Variants in XPO1 observed in about 807,000 individuals in gnomAD.
XPO1 encodes exportin-1.
A neutral mutation model predicts 133.3 loss-of-function variants in XPO1; 5 were observed. The ratio of observed to expected loss-of-function variants is 0.04; its 90% CI spans 0.02 to 0.08. The LOEUF is 0.08. XPO1 is among the 10% of genes least tolerant of loss of function. XPO1 has a pLI of 1.00. For missense variants in XPO1, 506 were observed against 1,267.5 expected, an observed-to-expected ratio of 0.40 and a Z score of 9.12; for synonymous variants, 419 against 408.2, an observed-to-expected ratio of 1.03 and a Z score of -0.32.
intron 4 of XPO1, among the ~76,000 whole-genome samples, chr2:61,515,172 G>A (rs1245819309): frequency 3.3e-5 from 5 of 151,980 alleles, no homozygotes; most frequent in Non-Finnish European, 4.4e-5. Flanking sequence ...GAAAGTAATC[G>A]GATAGAGGCA....
chr2:61,532,726 G>C (rs1031876489), intron 2 of XPO1, among the ~76,000 whole-genome samples: 2 of 151,106 alleles, frequency 1.3e-5, no homozygotes, highest in East Asian at 4.0e-4. Context: ...CCAGCTACTC[G>C]GGAGGCTAAG....
intron 24 of XPO1, among the ~76,000 whole-genome samples, chr2:61,479,624 G>T (rs1452900840): frequency 2.0e-5 from 3 of 152,098 alleles, no homozygotes; most frequent in African/African-American, 7.2e-5. Context: ...GTCTTGTTCT[G>T]TAGCCCCAGC....
intron 4 of XPO1, among the ~76,000 whole-genome samples, chr2:61,509,886 CATTT>C (rs747318471): frequency 2.0e-5 from 3 of 152,276 alleles, no homozygotes; most frequent in Admixed American, 1.3e-4. Context: ...TCAGTTTAAA[CATTT>C]ATTTATTCCA....
chr2:61,510,413 C>A (rs1698032025), intron 4 of XPO1, among the ~76,000 whole-genome samples: 2 of 152,096 alleles, frequency 1.3e-5, no homozygotes, highest in Admixed American at 1.3e-4. Context: ...TTAATAAGAA[C>A]AATGCCACAT....
In XPO1 at chr2:61,522,615, G is replaced by A. The variant is rs1288932167; in HGVS notation, c.297C>T (p.Cys99=). ...TATAATTCTTTATTTTCCTACCTTCGCACTGGTTCCTTGGAAGAATCTTCC... is the reference window on the plus strand; with the variant it reads ...TATAATTCTTTATTTTCCTACCTTCACACTGGTTCCTTGGAAGAATCTTCC... The part of the protein sequence containing the change: ...TRWKILPRNQ[C]EGIKKYVVGL... The change falls in exon 4 of 25, where the codon TGC becomes TGT. Residue 99 remains cysteine, a synonymous_variant. Transcript: ENST00000401558. 5 of 1,613,040 alleles carry A rather than the reference G, an allele frequency of 3.1e-6. No homozygotes were observed. The highest frequency in any genetic ancestry group is 4.2e-6 in the Non-Finnish European group (5 of 1,179,398).
chr2:61,481,072 C>G lies in XPO1; in HGVS notation c.3069+113G>C, dbSNP rs200730572. The G allele has an allele frequency of 1.7e-5, 11 of 636,070 alleles. No homozygotes were observed. The East Asian group carries it at 3.2e-4, about 18-fold the overall frequency. The allele number at this position is 636,070 out of a possible 1,614,324, so 39.4% of individuals were successfully genotyped here. On this transcript the variant is annotated intron_variant, in intron 24 of 24. Transcript: ENST00000401558. ...TACAGAGATTGTGTAAACGTATTAT[C>G]TTGAAACCCCATTTATTTGGCATGA...
intron 4 of XPO1, among the ~76,000 whole-genome samples, chr2:61,513,008 T>C (rs748803212): frequency 1.6e-4 from 25 of 152,144 alleles, no homozygotes; most frequent in Middle Eastern, 3.4e-3. Context: ...CAAATAAATA[T>C]ATAAACCTTG....
intron 9 of XPO1, among the ~76,000 whole-genome samples, 200 bp from the exon 10 acceptor site, chr2:61,497,207 T>C (rs1697280354): frequency 6.6e-6 from 1 of 152,156 alleles, no homozygotes; most frequent in African/African-American, 2.4e-5. Context: ...CAGTAAATGC[T>C]TTAGGAGCAA....
At chr2:61,532,426 C>A (rs1558683746) in intron 2 of XPO1, among the ~76,000 whole-genome samples, 1 of 151,950 alleles carries the variant, frequency 6.6e-6, no homozygotes, top group Non-Finnish European at 1.5e-5. Flanking sequence ...CGCGCCCGGC[C>A]GGCACTCAGT....
intron 22 of XPO1, 149 bp downstream of exon 22, chr2:61,482,808 G>C: frequency 1.1e-6 from 1 of 934,940 alleles, no homozygotes; most frequent in Non-Finnish European, 1.6e-6. Context: ...GGTATTTTTA[G>C]TACAGACAGT....
At chr2:61,510,879 G>C (rs978475783) in intron 4 of XPO1, among the ~76,000 whole-genome samples, 1 of 147,366 alleles carries the variant, frequency 6.8e-6, no homozygotes, top group Non-Finnish European at 1.5e-5. Flanking sequence ...TGAGGCTAGA[G>C]TTAAGCCATG....
rs1471720959 is a variant in XPO1 at position 61,537,779 on chromosome 2, A to ACACC, written c.-225_-224insGGTG. On this transcript the variant is annotated 5_prime_UTR_variant, in exon 1 of 25. Coordinates refer to ENST00000401558, the MANE Select transcript of XPO1 (RefSeq NM_003400.4). Reference sequence around the variant, plus strand: ...CACACACACACACACACACACACACACACACCCGCCCCCCCCCAAAAGGGG... The same window carrying ACACC: ...CACACACACACACACACACACACACACACCCACACCCGCCCCCCCCCAAAAGGGG... The ACACC allele has an allele frequency of 6.7e-6, 1 of 149,800 alleles. No individual in the cohort carries two copies. Among genetic ancestry groups the ACACC allele is most frequent in the African/African-American group, 2.5e-5 (1 of 39,924 alleles). The allele number at this position is 149,800 out of a possible 1,614,324, so 9.3% of individuals were successfully genotyped here. A position where few individuals can be genotyped will look rare whatever the true frequency, so the allele number is the denominator to read the frequency against.
At chr2:61,506,240 G>T (rs907668100) in intron 4 of XPO1, among the ~76,000 whole-genome samples, 4 of 152,284 alleles carry the variant, frequency 2.6e-5, no homozygotes, top group Non-Finnish European at 5.9e-5. Flanking sequence ...GGCCAACATG[G>T]TGAAACCCTG....
chr2:61,518,968 CT>C (rs199964196), intron 4 of XPO1, among the ~76,000 whole-genome samples: 3 of 151,264 alleles, frequency 2.0e-5, no homozygotes, highest in Non-Finnish European at 4.4e-5. Context: ...ATCTTTTGCT[CT>C]TTTTTTTTGA....
intron 20 of XPO1, chr2:61,484,370 A>T (rs1442999393): frequency 2.8e-6 from 1 of 361,472 alleles, no homozygotes; most frequent in East Asian, 5.3e-5. Context: ...CATTATTACC[A>T]TAAGACTACT....
intron 22 of XPO1, 38 bp from the exon 23 acceptor site, chr2:61,482,577 A>AT: frequency 6.6e-7 from 1 of 1,504,876 alleles, no homozygotes; most frequent in Non-Finnish European, 9.0e-7. Flanking sequence ...CCAAAATGTA[A>AT]TATAACTATA....
intron 4 of XPO1, among the ~76,000 whole-genome samples, chr2:61,517,439 G>GC (rs1375929176): frequency 2.6e-5 from 4 of 152,160 alleles, no homozygotes; most frequent in African/African-American, 9.7e-5. Flanking sequence ...GAAAAACTTA[G>GC]CTGGGTGTGG....
At chr2:61,517,969 C>A (rs988380711) in intron 4 of XPO1, among the ~76,000 whole-genome samples, 1 of 151,638 alleles carries the variant, frequency 6.6e-6, no homozygotes. Flanking sequence ...CTTACTAAAA[C>A]AAATACAAAA....
chr2:61,515,056 A>G (rs1398785861), intron 4 of XPO1, among the ~76,000 whole-genome samples: 1 of 137,208 alleles, frequency 7.3e-6, no homozygotes, highest in Admixed American at 7.7e-5. Flanking sequence ...GCGACAGAGT[A>G]GTGTGACTGT....
Sources: allele counts gnomAD v4.1 joint callset (sites outside exome capture counted in the v4.1 genomes callset), GRCh38; gene constraint gnomAD v4.1.1; transcripts MANE v1.5; gene names NCBI Gene and HGNC (gene_info 2026-07-23, HGNC 2026-07-21).